The following ZFAND3 variants were observed in gnomAD, a reference collection of about 807,000 sequenced individuals.
ZFAND3 encodes the protein zinc finger AN1-type containing 3.
In ZFAND3, 10 loss-of-function variants were observed where a neutral mutation model predicts 29.6. That is an observed-to-expected ratio of 0.34 (90% CI 0.21 to 0.57). ZFAND3 has a LOEUF of 0.57. ZFAND3 is among the 20% of genes least tolerant of loss of function. The pLI, the probability that ZFAND3 is intolerant of heterozygous loss-of-function variation, is 0.86. For missense variants in ZFAND3, 230 were observed against 304.5 expected (o/e 0.76, Z 1.82); for synonymous variants, 128 against 112.6 (o/e 1.14, Z -0.87).
intron 2 of ZFAND3, among the ~76,000 whole-genome samples, chr6:37,964,694 A>C (rs1418159432): frequency 6.6e-6 from 1 of 152,188 alleles, no homozygotes; most frequent in Non-Finnish European, 1.5e-5. Flanking sequence ...AAGAACACCA[A>C]CTGGTCTATC....
chr6:37,920,497 C>A (rs767970923), intron 1 of ZFAND3, among the ~76,000 whole-genome samples: 1 of 152,124 alleles, frequency 6.6e-6, no homozygotes, highest in Non-Finnish European at 1.5e-5. Context: ...TACATCTATA[C>A]ACTATAACTT....
chr6:37,874,916 A>G (rs1357192851), intron 1 of ZFAND3, among the ~76,000 whole-genome samples: 1 of 152,174 alleles, frequency 6.6e-6, no homozygotes, highest in African/African-American at 2.4e-5. Context: ...AAATATGGCT[A>G]AAGGGCTAGA....
chr6:38,040,570 T>A (rs1263019311), intron 2 of ZFAND3, among the ~76,000 whole-genome samples: 1 of 152,218 alleles, frequency 6.6e-6, no homozygotes, highest in African/African-American at 2.4e-5. Flanking sequence ...AACATAAATC[T>A]TTTAATTTTG....
At position 38,153,876 on chromosome 6, in the gene ZFAND3, C is replaced by G; in HGVS notation, c.*1487C>G. 1 of 985,510 alleles carries G rather than the reference C, an allele frequency of 1.0e-6. No individual in the cohort carries two copies. Among genetic ancestry groups the G allele is most frequent in the Non-Finnish European group, 1.2e-6 (1 of 829,952 alleles). 61.0% of individuals were successfully genotyped at this position (985,510 alleles called of 1,614,324 possible). A position where few individuals can be genotyped will look rare whatever the true frequency, so the allele number is the denominator to read the frequency against. On this transcript the variant is annotated 3_prime_UTR_variant, in exon 6 of 6. Coordinates refer to ENST00000287218, the MANE Select transcript of ZFAND3 (RefSeq NM_021943.3). ...CGTGGATCTGCCCACACATAGGCTACTGGAATAGTTTAACCCAGCAACTTT... is the reference window on the plus strand; with the variant it reads ...CGTGGATCTGCCCACACATAGGCTAGTGGAATAGTTTAACCCAGCAACTTT...
chr6:37,892,314 G>C (rs1323389143), intron 1 of ZFAND3, among the ~76,000 whole-genome samples: 3 of 152,240 alleles, frequency 2.0e-5, no homozygotes, highest in African/African-American at 7.2e-5. Context: ...AGGATGAGCA[G>C]GGTGTGGTAG....
intron 2 of ZFAND3, among the ~76,000 whole-genome samples, chr6:38,029,076 T>G (rs1023858360): frequency 1.3e-5 from 2 of 152,206 alleles, no homozygotes; most frequent in Non-Finnish European, 2.9e-5. Context: ...TATTCAGTCT[T>G]GGGCATGCAC....
At chr6:37,996,405 A>G (rs1762850417) in intron 2 of ZFAND3, among the ~76,000 whole-genome samples, 1 of 152,202 alleles carries the variant, frequency 6.6e-6, no homozygotes, top group South Asian at 2.1e-4. Context: ...AGTGTCCTCA[A>G]TTTAAATGAG....
rs184052212 is a variant in ZFAND3 at position 38,141,988 on chromosome 6, A to G, written c.530-10247A>G. Among the ~76,000 whole-genome samples the G allele has an allele frequency of 1.0e-3, 157 of 152,368 alleles. 1 individual carries two copies. The highest frequency in any genetic ancestry group is 4.7e-3 in the Admixed American group (72 of 15,312). ...GAGCAGACACAGCGGAGGTTCTTCA[A>G]GGTTAAATGGCCTGAGCCACATAAC... On this transcript the variant is annotated intron_variant, in intron 5 of 5. Transcript: ENST00000287218.
rs572577492 is a variant in ZFAND3 at position 37,861,463 on chromosome 6, G to A, written c.71+41447G>A. Among the ~76,000 whole-genome samples the A allele has an allele frequency of 2.0e-5, 3 of 152,116 alleles. No homozygotes were observed. The South Asian group carries it at 6.2e-4, about 32-fold the overall frequency. On this transcript the variant is annotated intron_variant, in intron 1 of 5. Coordinates refer to ENST00000287218, the MANE Select transcript of ZFAND3 (RefSeq NM_021943.3). ...GGGGACAACATGATAAAAAAGACGA[G>A]TAGGAAATTAGTGTAATTTATTAAG...
chr6:38,141,616 A>T (rs925189541), intron 5 of ZFAND3, among the ~76,000 whole-genome samples: 1 of 152,178 alleles, frequency 6.6e-6, no homozygotes, highest in Non-Finnish European at 1.5e-5. Flanking sequence ...GTGGAGGGGG[A>T]GAGAGGAAAC....
Position 38,003,977 on chromosome 6 carries a change from A to G in ZFAND3, c.113-57616A>G, listed in dbSNP as rs554153364. ...TGACTCTAATATTGTTTGAGGGGCAATTCTTCTTTTTCTCAGCTTTTCTCA... is the reference window on the plus strand; with the variant it reads ...TGACTCTAATATTGTTTGAGGGGCAGTTCTTCTTTTTCTCAGCTTTTCTCA... On this transcript the variant is annotated intron_variant, in intron 2 of 5. Coordinates refer to ENST00000287218, the MANE Select transcript of ZFAND3 (RefSeq NM_021943.3). Among the ~76,000 whole-genome samples the G allele has an allele frequency of 3.3e-3, 500 of 152,286 alleles. 3 individuals carry two copies. The highest frequency in any genetic ancestry group is 9.0e-3 in the African/African-American group (375 of 41,550).
intron 1 of ZFAND3, among the ~76,000 whole-genome samples, chr6:37,842,571 A>G (rs1026114645): frequency 1.3e-5 from 2 of 152,162 alleles, no homozygotes; most frequent in Admixed American, 6.5e-5. Context: ...TCCTGTTTAT[A>G]TATACCCTAA....
chr6:38,082,415 C>T lies in ZFAND3; in HGVS notation c.319C>T (p.His107Tyr). The T allele has an allele frequency of 6.2e-7, 1 of 1,612,250 alleles. No homozygotes were observed. Among genetic ancestry groups the T allele is most frequent in the Non-Finnish European group, 8.5e-7 (1 of 1,178,970 alleles). The change falls in exon 4 of 6, where the codon CAT becomes TAT. Residue 107 changes from histidine (H) to tyrosine (Y), a missense_variant. This residue lies in a region of ZFAND3 where 180 missense variants were observed against 202.5 expected (regional missense o/e 0.89). Transcript: ENST00000287218. ...EECGPCTDTA[H>Y]VSLITPTKRS... Reference sequence around the variant, plus strand: ...AGGTGGGCCATGCACAGACACAGCTCATGTCTCATTAATCACACCAACAAA... The same window carrying T: ...AGGTGGGCCATGCACAGACACAGCTTATGTCTCATTAATCACACCAACAAA...
intron 2 of ZFAND3, among the ~76,000 whole-genome samples, chr6:37,962,137 A>C (rs2645109): frequency 0.98 from 148,680 of 152,300 alleles, 72,692 homozygotes; most frequent in East Asian, 1. Context: ...ATTCAGAATT[A>C]TATCAGATAA....
chr6:37,878,829 G>A (rs1046756148), intron 1 of ZFAND3, among the ~76,000 whole-genome samples: 10 of 152,162 alleles, frequency 6.6e-5, no homozygotes, highest in African/African-American at 2.4e-4. Context: ...TAAACATTTT[G>A]TGTCATTTAT....
At chr6:38,037,766 G>C (rs563583347) in intron 2 of ZFAND3, among the ~76,000 whole-genome samples, 1 of 152,276 alleles carries the variant, frequency 6.6e-6, no homozygotes, top group Admixed American at 6.5e-5. Flanking sequence ...AATGAAAGGC[G>C]GGCGTGTAGG....
rs549227843 is a variant in ZFAND3 at position 37,972,786 on chromosome 6, T to C, written c.112+42787T>C. ...GTGGGTGAGTGATAGATAATATTTG[T>C]CTTCACTATTGGCTGTAAACTGGGA... is the stretch of plus-strand genomic sequence containing the variant. On this transcript the variant is annotated intron_variant, in intron 2 of 5. Transcript: ENST00000287218. Among the ~76,000 whole-genome samples the C allele has an allele frequency of 2.0e-5, 3 of 152,196 alleles. No individual in the cohort carries two copies. The South Asian group carries it at 6.2e-4, about 32-fold the overall frequency.
intron 5 of ZFAND3, among the ~76,000 whole-genome samples, chr6:38,144,182 A>T (rs1340121922): frequency 3.6e-4 from 4 of 11,072 alleles, no homozygotes; most frequent in South Asian, 1.8e-3. Flanking sequence ...ATATATATAT[A>T]TAATATATAT....
chr6:37,914,672 C>CTTTT (rs71542148), intron 1 of ZFAND3, among the ~76,000 whole-genome samples: 4 of 114,208 alleles, frequency 3.5e-5, no homozygotes, highest in African/African-American at 1.4e-4. Context: ...CTTTTTTTTT[C>CTTTT]TTTTTTTTTT....
Sources: allele counts gnomAD v4.1 joint callset (sites outside exome capture counted in the v4.1 genomes callset), GRCh38; gene constraint gnomAD v4.1.1; regional missense constraint gnomAD v4.1.1; transcripts MANE v1.5; gene names NCBI Gene and HGNC (gene_info 2026-07-23, HGNC 2026-07-21).